TBCD: variants seen among roughly 807,000 people sequenced by gnomAD.
TBCD encodes the protein tubulin-specific chaperone D.
Under a neutral mutation model 169.3 loss-of-function variants are expected in TBCD, and 105 were observed. That is an observed-to-expected ratio of 0.62 (90% CI 0.53 to 0.73). The LOEUF (loss-of-function observed/expected upper bound fraction) is 0.73, where lower values mean the gene tolerates loss of function less well. Ranked by LOEUF, TBCD falls within the 30% of genes least tolerant of loss-of-function variation. The pLI is 0.00. For synonymous variants in TBCD, 700 were observed against 643.9 expected, an observed-to-expected ratio of 1.09 and a Z score of -1.32; for missense variants, 1,444 against 1,600.1, an observed-to-expected ratio of 0.90 and a Z score of 1.66.
intron 3 of TBCD, among the ~76,000 whole-genome samples, chr17:82,765,535 C>T (rs546204798): frequency 1.1e-4 from 16 of 152,234 alleles, no homozygotes; most frequent in African/African-American, 3.1e-4. Flanking sequence ...TTCGTAGTGG[C>T]GAGGCGCATT....
At chr17:82,879,927 C>T (rs1403184449) in intron 14 of TBCD, among the ~76,000 whole-genome samples, 4 of 151,828 alleles carry the variant, frequency 2.6e-5, no homozygotes, top group Admixed American at 6.6e-5. Context: ...ACGGACCTGG[C>T]GGTCACAGGC....
rs1327976330 is a variant in TBCD at position 82,833,453 on chromosome 17, CATT to C, written c.1318+18521_1318+18523del. 6.6e-6 allele frequency among the ~76,000 whole-genome samples: 1 copy of C among 152,194 alleles called. No homozygotes were observed. Among genetic ancestry groups the C allele is most frequent in the African/African-American group, 2.4e-5 (1 of 41,450 alleles). On this transcript the variant is annotated intron_variant, in intron 13 of 38. Coordinates refer to ENST00000355528, the MANE Select transcript of TBCD (RefSeq NM_005993.5). The surrounding 1 kb of genome is among the most constrained non-coding windows in gnomAD (Gnocchi z 4.7). ...CTACTGCTTCTAAAGTCAGCTTTAT[CATT>C]AAGTAGCATTTATGTTGTCTCAGAT...
chr17:82,849,855 C>A (rs540549415), intron 13 of TBCD, among the ~76,000 whole-genome samples: 2 of 152,388 alleles, frequency 1.3e-5, no homozygotes, highest in South Asian at 4.1e-4. Context: ...AGCAGTAGCC[C>A]CCGTGCGCGG....
At chr17:82,865,355 C>T (rs952628788) in intron 13 of TBCD, 42 of 649,160 alleles carry the variant, frequency 6.5e-5, no homozygotes, top group Non-Finnish European at 8.0e-5. Flanking sequence ...TCTGCACCGG[C>T]AGGCTCCACG....
At chr17:82,909,186 C>A in intron 21 of TBCD, 99 bp from the exon 22 acceptor site, 1 of 1,024,414 alleles carries the variant, frequency 9.8e-7, no homozygotes, top group South Asian at 1.7e-5. Flanking sequence ...ATGGCATCTT[C>A]TGCCATTTTC....
chr17:82,841,028 A>G (rs960701201), intron 13 of TBCD, among the ~76,000 whole-genome samples: 6 of 126,604 alleles, frequency 4.7e-5, no homozygotes, highest in Middle Eastern at 6.0e-3. Flanking sequence ...GTGCAATGGC[A>G]TGATCTTGGC....
At chr17:82,752,653 C>T (rs1277599574) in intron 1 of TBCD, among the ~76,000 whole-genome samples, 3 of 152,140 alleles carry the variant, frequency 2.0e-5, no homozygotes, top group Admixed American at 2.0e-4. Context: ...CCTCTGCGGC[C>T]TCCCCGGGAG....
rs1249349186 is a variant in TBCD at position 82,944,781 on chromosome 17, T to C, written c.*2318T>C. ...AGACCTTGGAGATCCTGAGGGTTTC[T>C]GCTGAGCCCTGGAATCTAGTCACGC... On this transcript the variant is annotated 3_prime_UTR_variant, in exon 39 of 39. Transcript: ENST00000355528. 6.6e-6 allele frequency: 1 copy of C among 152,326 alleles called. No individual in the cohort carries two copies. The highest frequency in any genetic ancestry group is 1.9e-4 in the East Asian group (1 of 5,194). The allele number at this position is 152,326 out of a possible 1,614,324, so 9.4% of individuals were successfully genotyped here. A position where few individuals can be genotyped will look rare whatever the true frequency, so the allele number is the denominator to read the frequency against.
At chr17:82,878,589 A>G (rs2058131684) in intron 14 of TBCD, among the ~76,000 whole-genome samples, 1 of 152,222 alleles carries the variant, frequency 6.6e-6, no homozygotes. Flanking sequence ...AGTGCCCCAC[A>G]ACGGGTCCTG....
chr17:82,799,668 C>T (rs1455560645), intron 8 of TBCD, among the ~76,000 whole-genome samples: 2 of 152,174 alleles, frequency 1.3e-5, no homozygotes, highest in East Asian at 1.9e-4. Flanking sequence ...TGTGTACTTC[C>T]ATACATGTCT....
intron 8 of TBCD, among the ~76,000 whole-genome samples, 194 bp downstream of exon 8, chr17:82,797,996 A>G (rs1174430779): frequency 2.1e-5 from 1 of 48,302 alleles, no homozygotes; most frequent in Non-Finnish European, 3.9e-5. Context: ...TTTTTTTTTG[A>G]GACTGAGTCT....
intron 7 of TBCD, among the ~76,000 whole-genome samples, chr17:82,795,235 C>T (rs2050016671): frequency 6.6e-6 from 1 of 152,208 alleles, no homozygotes; most frequent in South Asian, 2.1e-4. Flanking sequence ...GACGTGTTAG[C>T]CCGTTGCCAA....
chr17:82,943,682 A>T lies in TBCD; in HGVS notation c.*1219A>T, dbSNP rs2063485473. On this transcript the variant is annotated 3_prime_UTR_variant, in exon 39 of 39. Transcript: ENST00000355528. ...TGTTTAGCAGACAGCTCTTCACGGG[A>T]TGTGTGTGACGACCTGGCCACACAG... 1 of 152,198 alleles carries T rather than the reference A, an allele frequency of 6.6e-6. No homozygotes were observed. Among genetic ancestry groups the T allele is most frequent in the South Asian group, 2.1e-4 (1 of 4,824 alleles). 9.4% of individuals were successfully genotyped at this position (152,198 alleles called of 1,614,324 possible).
intron 13 of TBCD, among the ~76,000 whole-genome samples, chr17:82,853,059 T>C (rs2055935758): frequency 6.6e-6 from 1 of 152,170 alleles, no homozygotes; most frequent in Non-Finnish European, 1.5e-5. Context: ...GCTACTCAGC[T>C]TTCTCTCTCT....
At chr17:82,916,178 T>C (rs1016348274) in intron 23 of TBCD, among the ~76,000 whole-genome samples, 2 of 152,230 alleles carry the variant, frequency 1.3e-5, no homozygotes, top group African/African-American at 4.8e-5. Context: ...AACACTCTAG[T>C]GTTTTCCATA....
chr17:82,814,480 C>T (rs1233500656), intron 12 of TBCD, among the ~76,000 whole-genome samples: 4 of 152,230 alleles, frequency 2.6e-5, no homozygotes, highest in Non-Finnish European at 5.9e-5. Flanking sequence ...TGTCTTCATA[C>T]TCAGTTGCAG....
chr17:82,900,745 T>C lies in TBCD; in HGVS notation c.1730+14T>C. 1 of 1,611,346 alleles carries C rather than the reference T, an allele frequency of 6.2e-7. No individual in the cohort carries two copies. The highest frequency in any genetic ancestry group is 8.5e-7 in the Non-Finnish European group (1 of 1,177,494). ...CCACTGGGATGGGTAGGTTTTCTGT[T>C]TTTGTTTTTCTAAGAGCTTTTTTTC... On this transcript the variant is annotated intron_variant, in intron 18 of 38. Coordinates refer to ENST00000355528, the MANE Select transcript of TBCD (RefSeq NM_005993.5).
At chr17:82,940,421 C>A (rs547266702) in intron 37 of TBCD, among the ~76,000 whole-genome samples, 2 of 152,220 alleles carry the variant, frequency 1.3e-5, no homozygotes, top group East Asian at 3.9e-4. Flanking sequence ...GATCCCGGTG[C>A]GTTGCTACAG....
At chr17:82,799,822 G>C (rs2050377046) in intron 8 of TBCD, among the ~76,000 whole-genome samples, 1 of 152,232 alleles carries the variant, frequency 6.6e-6, no homozygotes, top group African/African-American at 2.4e-5. Context: ...CACGCTCATT[G>C]TGCCCACTGT....
Sources: allele counts gnomAD v4.1 joint callset (sites outside exome capture counted in the v4.1 genomes callset), GRCh38; gene constraint gnomAD v4.1.1; non-coding constraint Gnocchi (gnomAD v3.1); transcripts MANE v1.5; gene names NCBI Gene and HGNC (gene_info 2026-07-23, HGNC 2026-07-21).